PRP4K: variants seen among roughly 807,000 people sequenced by gnomAD.
PRP4K encodes pre-mRNA processing factor kinase PRP4K.
chr6:4,021,386 G>C, the PRP4K span: 1 of 1,560,642 alleles, frequency 6.4e-7, no homozygotes, highest in South Asian at 1.2e-5. Flanking sequence ...CACCGTCCGG[G>C]AGCCGCCGCC....
At chr6:4,024,211 A>G in the PRP4K span, among the ~76,000 whole-genome samples, 1 of 152,020 alleles carries the variant, frequency 6.6e-6, no homozygotes, top group South Asian at 2.1e-4. Flanking sequence ...GAGTCTTCCC[A>G]TGTTGCCCAG....
chr6:4,024,929 C>G, the PRP4K span, among the ~76,000 whole-genome samples: 1 of 152,128 alleles, frequency 6.6e-6, no homozygotes, highest in Non-Finnish European at 1.5e-5. Context: ...TAAAGGCGTT[C>G]CACGATTTTC....
At chr6:4,060,024 A>G in the PRP4K span, among the ~76,000 whole-genome samples, 1 of 152,212 alleles carries the variant, frequency 6.6e-6, no homozygotes, top group Non-Finnish European at 1.5e-5. The surrounding 1 kb of genome is among the most constrained non-coding windows in gnomAD (Gnocchi z 4.7). Context: ...AACCACAGCA[A>G]AGTTTTAAAT....
At chr6:4,029,339 ATTTTTTT>A in the PRP4K span, among the ~76,000 whole-genome samples, 3 of 117,492 alleles carry the variant, frequency 2.6e-5, no homozygotes, top group East Asian at 2.4e-4. Context: ...GTGTTACTCA[ATTTTTTT>A]TTTTTTTTTT....
the PRP4K span, chr6:4,049,454 T>C: frequency 1.2e-5 from 6 of 481,396 alleles, no homozygotes; most frequent in Non-Finnish European, 2.2e-5. Flanking sequence ...AGTCATGCGG[T>C]ATTTGTCATG....
At chr6:4,058,465 G>A in the PRP4K span, among the ~76,000 whole-genome samples, 1 of 152,210 alleles carries the variant, frequency 6.6e-6, no homozygotes, top group East Asian at 1.9e-4. Flanking sequence ...ATTTTAAATA[G>A]TGAAAGGACA....
chr6:4,044,865 T>TATTA, the PRP4K span, among the ~76,000 whole-genome samples: 267 of 131,672 alleles, frequency 2.0e-3, 1 homozygote, highest in African/African-American at 7.7e-3. Context: ...TTATTATTAT[T>TATTA]TTTTTTTTTT....
the PRP4K span, among the ~76,000 whole-genome samples, chr6:4,025,060 T>C: frequency 6.6e-6 from 1 of 152,210 alleles, no homozygotes; most frequent in Admixed American, 6.5e-5. Context: ...TGCTTCCAAA[T>C]AATGTGATCT....
chr6:4,048,903 G>A, the PRP4K span: 6,120 of 616,126 alleles, frequency 9.9e-3, 50 homozygotes, highest in Non-Finnish European at 0.014. Flanking sequence ...ATTTAATTTG[G>A]AATAAAATGC....
At chr6:4,029,254 T>G in the PRP4K span, among the ~76,000 whole-genome samples, 1 of 151,884 alleles carries the variant, frequency 6.6e-6, no homozygotes, top group Non-Finnish European at 1.5e-5. Flanking sequence ...TATAACTGCC[T>G]TTTGTCACCT....
the PRP4K span, among the ~76,000 whole-genome samples, chr6:4,033,473 A>G: frequency 1.3e-5 from 2 of 152,218 alleles, no homozygotes; most frequent in African/African-American, 2.4e-5. Context: ...CAGAGAATGT[A>G]TATAATTTAC....
At chr6:4,056,532 GCA>G in the PRP4K span, 1 of 1,604,758 alleles carries the variant, frequency 6.2e-7, no homozygotes, top group South Asian at 1.1e-5. Context: ...TTCAGCAGCT[GCA>G]CGAGTTCATT....
At chr6:4,047,190 A>C in the PRP4K span, 2 of 1,611,054 alleles carry the variant, frequency 1.2e-6, no homozygotes, top group African/African-American at 2.7e-5. Context: ...TCTCAGAAGA[A>C]GTTGTTGGCA....
chr6:4,032,752 C>T, the PRP4K span: 1 of 1,563,988 alleles, frequency 6.4e-7, no homozygotes, highest in African/African-American at 1.4e-5. Flanking sequence ...CTTTCTTCTC[C>T]AAGGTAACTT....
chr6:4,037,588 T>C, the PRP4K span: 2 of 1,604,360 alleles, frequency 1.2e-6, no homozygotes, highest in Non-Finnish European at 1.7e-6. Context: ...CATTTCATCC[T>C]TGTGATTCAT....
chr6:4,040,184 G>GT, the PRP4K span, among the ~76,000 whole-genome samples: 580 of 144,210 alleles, frequency 4.0e-3, no homozygotes, highest in Middle Eastern at 0.011. Flanking sequence ...CCAGCCCCCA[G>GT]TTTTTTTTTT....
chr6:4,056,702 A>G, the PRP4K span: 6 of 1,538,092 alleles, frequency 3.9e-6, no homozygotes, highest in South Asian at 6.7e-5. Context: ...TGATTATCAC[A>G]TTTATGGATT....
At chr6:4,047,342 AAT>A in the PRP4K span, 227 of 1,064,856 alleles carry the variant, frequency 2.1e-4, no homozygotes, top group Non-Finnish European at 2.8e-4. Flanking sequence ...AAGCAAATGT[AAT>A]AAATATTTTG....
chr6:4,060,643 G>A, the PRP4K span: 1 of 1,584,904 alleles, frequency 6.3e-7, no homozygotes, highest in Non-Finnish European at 8.6e-7. The surrounding 1 kb of genome is among the most constrained non-coding windows in gnomAD (Gnocchi z 4.7). Flanking sequence ...CCAAGGGTTT[G>A]AGTAAATACA....
Sources: gnomAD v4.1 joint callset for allele counts (sites outside exome capture counted in the v4.1 genomes callset) on GRCh38, gnomAD v4.1.1 for gene constraint, Gnocchi (gnomAD v3.1) non-coding constraint, MANE v1.5 for transcripts, NCBI Gene and HGNC (gene_info 2026-07-23, HGNC 2026-07-21) for gene names.